Variants in GALNT13 observed in about 807,000 individuals in gnomAD.
The protein encoded by GALNT13 is UDP-GalNAc:polypeptide N-acetylgalactosaminyltransferase 13.
Under a neutral mutation model 64.2 loss-of-function variants are expected in GALNT13, and 28 were observed. That is an observed-to-expected ratio of 0.44 (90% CI 0.32 to 0.60). The LOEUF is 0.60. Ranked by LOEUF, GALNT13 falls within the 20% of genes least tolerant of loss-of-function variation. The probability of loss-of-function intolerance (pLI) is 0.05; values close to 1 mark genes in which losing one functional copy is unlikely to be tolerated. For missense variants in GALNT13, 577 were observed against 669.8 expected (o/e 0.86, Z 1.53); for synonymous variants, 214 against 224.6 (o/e 0.95, Z 0.42).
At chr2:153,773,692 A>G in the GALNT13 span, among the ~76,000 whole-genome samples, 57 of 152,174 alleles carry the variant, frequency 3.7e-4, no homozygotes, top group Non-Finnish European at 6.6e-4. Flanking sequence ...AAATATTGAC[A>G]CTTTTATACT....
the GALNT13 span, among the ~76,000 whole-genome samples, chr2:153,207,572 T>C: frequency 6.6e-6 from 1 of 152,156 alleles, no homozygotes; most frequent in African/African-American, 2.4e-5. Flanking sequence ...TCCTTTCATC[T>C]ACCTTTGAAT....
At chr2:154,379,541 T>C (rs1161142762) in intron 9 of GALNT13, among the ~76,000 whole-genome samples, 3 of 152,042 alleles carry the variant, frequency 2.0e-5, no homozygotes, top group Admixed American at 6.6e-5. Flanking sequence ...TTGATTCTCA[T>C]GTATTTAAAA....
chr2:153,071,042 C>G, the GALNT13 span, among the ~76,000 whole-genome samples: 2 of 152,100 alleles, frequency 1.3e-5, no homozygotes, highest in Non-Finnish European at 2.9e-5. Context: ...TAAATAACCA[C>G]AGTTAAACAT....
At chr2:153,428,248 T>C in the GALNT13 span, among the ~76,000 whole-genome samples, 1 of 152,176 alleles carries the variant, frequency 6.6e-6, no homozygotes, top group South Asian at 2.1e-4. Flanking sequence ...TATACTAGCA[T>C]GGCACCAGCA....
the GALNT13 span, among the ~76,000 whole-genome samples, chr2:153,534,409 C>A: frequency 1.3e-5 from 2 of 151,854 alleles, no homozygotes; most frequent in African/African-American, 4.8e-5. Context: ...CGATTTGTTT[C>A]TCCCCTTTTA....
chr2:153,270,331 G>C, the GALNT13 span, among the ~76,000 whole-genome samples: 1 of 152,174 alleles, frequency 6.6e-6, no homozygotes, highest in Non-Finnish European at 1.5e-5. Flanking sequence ...CTAGACACTA[G>C]ACTGAGTTCT....
At chr2:154,114,927 C>T (rs2105500556) in intron 3 of GALNT13, among the ~76,000 whole-genome samples, 1 of 152,326 alleles carries the variant, frequency 6.6e-6, no homozygotes, top group East Asian at 1.9e-4. Flanking sequence ...CTTCTGCTGC[C>T]TGGGATCCAA....
intron 3 of GALNT13, among the ~76,000 whole-genome samples, chr2:154,062,389 T>C (rs1484559658): frequency 2.6e-5 from 4 of 152,204 alleles, no homozygotes; most frequent in Admixed American, 6.5e-5. Flanking sequence ...CATTCTCTTA[T>C]CTTTTCTTCT....
chr2:153,152,883 C>T, the GALNT13 span, among the ~76,000 whole-genome samples: 1 of 152,072 alleles, frequency 6.6e-6, no homozygotes, highest in Non-Finnish European at 1.5e-5. Flanking sequence ...GTGCATGTGT[C>T]TTTATAATAA....
the GALNT13 span, among the ~76,000 whole-genome samples, chr2:153,438,337 G>T: frequency 1.2e-4 from 19 of 152,146 alleles, no homozygotes; most frequent in African/African-American, 3.6e-4. Flanking sequence ...TATCTTTGTG[G>T]CATTTTCTGT....
intron 10 of GALNT13, among the ~76,000 whole-genome samples, chr2:154,403,474 G>GA (rs975221177): frequency 5.4e-5 from 8 of 148,254 alleles, no homozygotes; most frequent in African/African-American, 7.5e-5. Flanking sequence ...AAACAAAAAC[G>GA]AAAAAAAAAG....
At chr2:153,582,024 G>A in the GALNT13 span, among the ~76,000 whole-genome samples, 1 of 152,110 alleles carries the variant, frequency 6.6e-6, no homozygotes, top group Non-Finnish European at 1.5e-5. Flanking sequence ...GCAAAGCAGA[G>A]ATTCAAGGAA....
At chr2:153,361,376 T>C in the GALNT13 span, among the ~76,000 whole-genome samples, 5 of 152,010 alleles carry the variant, frequency 3.3e-5, no homozygotes, top group South Asian at 8.3e-4. Flanking sequence ...GATAAATGAA[T>C]TGACAGAAGT....
At chr2:153,660,975 G>C in the GALNT13 span, among the ~76,000 whole-genome samples, 3 of 152,114 alleles carry the variant, frequency 2.0e-5, no homozygotes, top group South Asian at 6.2e-4. Flanking sequence ...TCACAGAGGA[G>C]GGAGTGCATA....
intron 3 of GALNT13, among the ~76,000 whole-genome samples, chr2:153,953,434 C>CATTATT (rs933155703): frequency 6.6e-6 from 1 of 151,594 alleles, no homozygotes; most frequent in Non-Finnish European, 1.5e-5. Context: ...GTAAAGTTGG[C>CATTATT]ATTATTATTA....
intron 4 of GALNT13, among the ~76,000 whole-genome samples, chr2:154,144,064 A>ATTTTCATGT (rs1193322332): frequency 1.3e-5 from 2 of 152,164 alleles, no homozygotes; most frequent in South Asian, 2.1e-4. Flanking sequence ...TATTGCTTGA[A>ATTTTCATGT]TTTTCATGTT....
chr2:153,534,267 C>A, the GALNT13 span, among the ~76,000 whole-genome samples: 82,635 of 151,866 alleles, frequency 0.54, 24,241 homozygotes, highest in East Asian at 0.77. Flanking sequence ...TACTGGGTAC[C>A]AGAAATAGCG....
At chr2:153,916,120 CTTCCTTCG>C (rs1223108465) in intron 2 of GALNT13, among the ~76,000 whole-genome samples, 1 of 146,844 alleles carries the variant, frequency 6.8e-6, no homozygotes, top group East Asian at 2.4e-4. Flanking sequence ...TCCTCCCTTC[CTTCCTTCG>C]TTCCTTCCTT....
chr2:153,236,012 G>A, the GALNT13 span, among the ~76,000 whole-genome samples: 2 of 152,140 alleles, frequency 1.3e-5, no homozygotes, highest in Non-Finnish European at 2.9e-5. Flanking sequence ...ATGACAGAAA[G>A]TGAAGTCATT....
Sources: gnomAD v4.1 joint callset for allele counts (sites outside exome capture counted in the v4.1 genomes callset) on GRCh38, gnomAD v4.1.1 for gene constraint, MANE v1.5 for transcripts, NCBI Gene and HGNC (gene_info 2026-07-23, HGNC 2026-07-21) for gene names.